SIPA1L3: variants seen among roughly 807,000 people sequenced by gnomAD.
SIPA1L3 encodes signal-induced proliferation-associated 1-like protein 3.
A neutral mutation model predicts 150.1 loss-of-function variants in SIPA1L3; 59 were observed. That is an observed-to-expected ratio of 0.39 (90% confidence interval 0.32 to 0.49). SIPA1L3 has a LOEUF of 0.49. SIPA1L3 is among the 20% of genes least tolerant of loss of function. The pLI is 0.86. For synonymous variants in SIPA1L3, 1,070 were observed against 1,077.6 expected (o/e 0.99, Z 0.14); for missense variants, 2,211 against 2,489.5 (o/e 0.89, Z 2.38).
chr19:37,981,953 G>C (rs1725469), intron 1 of SIPA1L3, among the ~76,000 whole-genome samples: 38,280 of 151,904 alleles, frequency 0.25, 6,143 homozygotes, highest in East Asian at 0.61. Context: ...GCTGTGTGCA[G>C]TACGTATTTG....
chr19:37,965,390 A>C (rs1452887307), intron 1 of SIPA1L3, among the ~76,000 whole-genome samples: 2 of 146,344 alleles, frequency 1.4e-5, no homozygotes, highest in South Asian at 4.3e-4. Context: ...ATCTTGGCTC[A>C]CTGTGACCTC....
At chr19:38,026,643 G>A (rs1968516948) in intron 1 of SIPA1L3, among the ~76,000 whole-genome samples, 1 of 152,140 alleles carries the variant, frequency 6.6e-6, no homozygotes, top group Non-Finnish European at 1.5e-5. Flanking sequence ...CTCCCCAGTT[G>A]TTCTTTTCCC....
chr19:37,909,742 C>G (rs1169015116), intron 1 of SIPA1L3, among the ~76,000 whole-genome samples: 3 of 152,048 alleles, frequency 2.0e-5, no homozygotes, highest in Admixed American at 6.6e-5. Flanking sequence ...TAGAATATCC[C>G]GTGTGGGAGG....
At chr19:37,960,385 C>T (rs1038443325) in intron 1 of SIPA1L3, among the ~76,000 whole-genome samples, 17 of 151,560 alleles carry the variant, frequency 1.1e-4, no homozygotes, top group South Asian at 8.3e-4. Context: ...TATAGGTGCG[C>T]GCCACCACAC....
chr19:38,202,660 G>T (rs1338383886), intron 20 of SIPA1L3, among the ~76,000 whole-genome samples: 1 of 152,174 alleles, frequency 6.6e-6, no homozygotes, highest in Non-Finnish European at 1.5e-5. Flanking sequence ...CCTCTCGTCA[G>T]CCCCGTCGCT....
intron 6 of SIPA1L3, among the ~76,000 whole-genome samples, chr19:38,103,185 T>C (rs1276316066): frequency 6.6e-6 from 1 of 151,092 alleles, no homozygotes. Flanking sequence ...AGGATAGTGG[T>C]TGGCTGTCTG....
At chr19:37,942,303 G>A (rs933843924) in intron 1 of SIPA1L3, among the ~76,000 whole-genome samples, 1 of 151,884 alleles carries the variant, frequency 6.6e-6, no homozygotes, top group Admixed American at 6.6e-5. Flanking sequence ...AATGGCGAGA[G>A]AGACACGCCT....
At chr19:38,096,823 C>T (rs12462587) in intron 4 of SIPA1L3, among the ~76,000 whole-genome samples, 1 of 151,914 alleles carries the variant, frequency 6.6e-6, no homozygotes. Flanking sequence ...GATTAGCATG[C>T]CTGGTGATTT....
intron 1 of SIPA1L3, among the ~76,000 whole-genome samples, chr19:37,914,128 G>A (rs986684340): frequency 5.3e-5 from 8 of 152,030 alleles, no homozygotes; most frequent in African/African-American, 1.9e-4. Context: ...GGCTGATGGG[G>A]CAAGATGGCG....
intron 12 of SIPA1L3, among the ~76,000 whole-genome samples, chr19:38,147,355 A>C (rs1446511801): frequency 6.6e-6 from 1 of 152,114 alleles, no homozygotes; most frequent in Non-Finnish European, 1.5e-5. Context: ...ATGAGCCACC[A>C]CACCCAGCCT....
In SIPA1L3 at chr19:38,020,206, C is replaced by T. The variant is rs117373424; in HGVS notation, c.-378-8883C>T. Among the ~76,000 whole-genome samples, 48 of 152,152 alleles carry T rather than the reference C, an allele frequency of 3.2e-4. No homozygotes were observed. In the East Asian group the frequency reaches 9.3e-3, roughly 29 times the overall value. ...TGTGGAGTAATTTTTTTACTTAATCCTCACAACACCCTTACTATTATCCCC... is the reference window on the plus strand; with the variant it reads ...TGTGGAGTAATTTTTTTACTTAATCTTCACAACACCCTTACTATTATCCCC... On this transcript the variant is annotated intron_variant, in intron 1 of 21. Transcript: ENST00000222345.
intron 2 of SIPA1L3, among the ~76,000 whole-genome samples, chr19:38,050,338 C>T (rs533780418): frequency 1.5e-4 from 23 of 152,018 alleles, no homozygotes; most frequent in Non-Finnish European, 1.9e-4. Context: ...TGCCTGTAAT[C>T]CCAGCTACTC....
intron 1 of SIPA1L3, among the ~76,000 whole-genome samples, chr19:37,949,084 G>C (rs2046738471): frequency 6.6e-6 from 1 of 152,188 alleles, no homozygotes; most frequent in Admixed American, 6.5e-5. Flanking sequence ...TCAAAGAATT[G>C]TGAGATGCCT....
chr19:38,017,680 T>C (rs1026735914), intron 1 of SIPA1L3, among the ~76,000 whole-genome samples: 1 of 152,104 alleles, frequency 6.6e-6, no homozygotes, highest in African/African-American at 2.4e-5. Context: ...ATGTGCCACA[T>C]GCCTGGCTGA....
chr19:38,012,279 T>G (rs1444151842), intron 1 of SIPA1L3, among the ~76,000 whole-genome samples: 1 of 151,012 alleles, frequency 6.6e-6, no homozygotes, highest in Admixed American at 6.6e-5. Context: ...GAGATGGGGG[T>G]CTCACTATGT....
At chr19:37,908,215 T>G (rs1007702135) in intron 1 of SIPA1L3, among the ~76,000 whole-genome samples, 35 of 152,144 alleles carry the variant, frequency 2.3e-4, no homozygotes, top group Non-Finnish European at 4.9e-4. Flanking sequence ...GAGGGCCAGA[T>G]TCAGAACTGG....
At chr19:37,915,128 C>T (rs1048818915) in intron 1 of SIPA1L3, among the ~76,000 whole-genome samples, 2 of 152,018 alleles carry the variant, frequency 1.3e-5, no homozygotes, top group African/African-American at 4.8e-5. Flanking sequence ...CAGCAGGGGC[C>T]GCCTGGGATG....
intron 10 of SIPA1L3, among the ~76,000 whole-genome samples, chr19:38,140,209 A>T (rs1489511639): frequency 6.6e-6 from 1 of 152,202 alleles, no homozygotes; most frequent in Non-Finnish European, 1.5e-5. Context: ...CTCAGCTGCC[A>T]GGAGGTGGAT....
At chr19:38,078,175 C>G (rs1247292754) in intron 2 of SIPA1L3, among the ~76,000 whole-genome samples, 1 of 152,176 alleles carries the variant, frequency 6.6e-6, no homozygotes, top group African/African-American at 2.4e-5. Flanking sequence ...CCAGCTTCCT[C>G]TCTCTTCTGT....
Sources: allele counts gnomAD v4.1 joint callset (sites outside exome capture counted in the v4.1 genomes callset), GRCh38; gene constraint gnomAD v4.1.1; transcripts MANE v1.5; gene names NCBI Gene and HGNC (gene_info 2026-07-23, HGNC 2026-07-21).